The following CFAP90 variants were observed in gnomAD, a reference collection of about 807,000 sequenced individuals.
The protein encoded by CFAP90 is cilia- and flagella-associated protein 90.
chr5:7,837,931 C>G, the CFAP90 span, among the ~76,000 whole-genome samples: 9 of 152,204 alleles, frequency 5.9e-5, no homozygotes, highest in Non-Finnish European at 1.3e-4. Flanking sequence ...TGTGCCTCTG[C>G]TGGCCATTTT....
the CFAP90 span, among the ~76,000 whole-genome samples, chr5:7,841,201 C>T: frequency 1.2e-4 from 18 of 152,082 alleles, no homozygotes; most frequent in Non-Finnish European, 2.6e-4. Context: ...TCAATAGACA[C>T]ACATGTGGCC....
chr5:7,849,152 C>A, the CFAP90 span, among the ~76,000 whole-genome samples: 1 of 152,174 alleles, frequency 6.6e-6, no homozygotes, highest in Non-Finnish European at 1.5e-5. Context: ...GATTAAGACT[C>A]CAAAACATAA....
chr5:7,845,230 C>A, the CFAP90 span, among the ~76,000 whole-genome samples: 3 of 152,196 alleles, frequency 2.0e-5, no homozygotes, highest in African/African-American at 7.2e-5. Flanking sequence ...TCACCTCCCA[C>A]CAGGTCCCTG....
At chr5:7,845,990 G>A in the CFAP90 span, among the ~76,000 whole-genome samples, 1 of 151,230 alleles carries the variant, frequency 6.6e-6, no homozygotes, top group African/African-American at 2.4e-5. Context: ...AGGGATATGA[G>A]GTTTGCGACT....
the CFAP90 span, among the ~76,000 whole-genome samples, chr5:7,832,893 C>A: frequency 2.7e-4 from 41 of 152,306 alleles, no homozygotes; most frequent in Non-Finnish European, 4.4e-4. Context: ...AAGACAATAA[C>A]TTTGCATCAA....
At chr5:7,831,688 G>A in the CFAP90 span, 11 of 634,222 alleles carry the variant, frequency 1.7e-5, no homozygotes, top group Admixed American at 3.2e-4. Flanking sequence ...GAGGGGGGCT[G>A]CTAACGTGTT....
At chr5:7,850,603 GC>G in the CFAP90 span, among the ~76,000 whole-genome samples, 1 of 75,324 alleles carries the variant, frequency 1.3e-5, no homozygotes. Context: ...CCGCCCCCAG[GC>G]CCCCTCCCCT....
At chr5:7,837,413 G>A in the CFAP90 span, among the ~76,000 whole-genome samples, 1 of 152,138 alleles carries the variant, frequency 6.6e-6, no homozygotes, top group Non-Finnish European at 1.5e-5. Flanking sequence ...TCTAGCTTAT[G>A]CTTGGTTGGT....
At chr5:7,844,147 A>G in the CFAP90 span, among the ~76,000 whole-genome samples, 3 of 152,112 alleles carry the variant, frequency 2.0e-5, no homozygotes, top group Admixed American at 1.3e-4. Flanking sequence ...TTAAGGAGCT[A>G]CCTGCCCTGG....
At chr5:7,832,161 T>A in the CFAP90 span, 27 of 841,784 alleles carry the variant, frequency 3.2e-5, no homozygotes, top group South Asian at 4.5e-4. Flanking sequence ...AGAGGGAACC[T>A]CCACGCTGAA....
At chr5:7,844,234 GAGA>G in the CFAP90 span, among the ~76,000 whole-genome samples, 1 of 152,186 alleles carries the variant, frequency 6.6e-6, no homozygotes, top group African/African-American at 2.4e-5. Context: ...AATGCAACTA[GAGA>G]AGTAGAGAAG....
chr5:7,839,874 C>T, the CFAP90 span, among the ~76,000 whole-genome samples: 1 of 152,228 alleles, frequency 6.6e-6, no homozygotes, highest in Non-Finnish European at 1.5e-5. Flanking sequence ...AATTCATCAG[C>T]AGGCAGGCAG....
chr5:7,847,884 T>C, the CFAP90 span, among the ~76,000 whole-genome samples: 1 of 152,224 alleles, frequency 6.6e-6, no homozygotes, highest in African/African-American at 2.4e-5. Context: ...TTCTGCTCTT[T>C]TTCCTGGTGC....
the CFAP90 span, chr5:7,831,734 G>C: frequency 1.2e-5 from 12 of 1,022,338 alleles, no homozygotes; most frequent in South Asian, 3.1e-5. Context: ...CACAGGCATA[G>C]CCAAGCTCCT....
the CFAP90 span, chr5:7,832,166 G>A: frequency 3.0e-5 from 24 of 795,018 alleles, no homozygotes; most frequent in South Asian, 7.3e-5. Context: ...GAACCTCCAC[G>A]CTGAAGCCAG....
the CFAP90 span, among the ~76,000 whole-genome samples, chr5:7,847,638 G>A: frequency 1.5e-4 from 23 of 152,286 alleles, 1 homozygote; most frequent in East Asian, 4.2e-3. Context: ...AGGAGCCTTG[G>A]TTTACTGACC....
chr5:7,846,527 C>CCTTG, the CFAP90 span, among the ~76,000 whole-genome samples: 3 of 152,106 alleles, frequency 2.0e-5, no homozygotes, highest in Non-Finnish European at 2.9e-5. Context: ...TCTGGAGTCT[C>CCTTG]TTTAACAAGG....
the CFAP90 span, chr5:7,850,987 G>A: frequency 7.7e-7 from 1 of 1,292,350 alleles, no homozygotes; most frequent in South Asian, 2.8e-5. Flanking sequence ...GCCCCGCAGC[G>A]TGGACGCGGT....
At chr5:7,847,138 C>CAA in the CFAP90 span, among the ~76,000 whole-genome samples, 5 of 152,202 alleles carry the variant, frequency 3.3e-5, no homozygotes, top group Non-Finnish European at 5.9e-5. Flanking sequence ...TTTGGTCCTG[C>CAA]AGCTGATTAA....
Sources: gnomAD v4.1 joint callset for allele counts (sites outside exome capture counted in the v4.1 genomes callset) on GRCh38, gnomAD v4.1.1 for gene constraint, MANE v1.5 for transcripts, NCBI Gene and HGNC (gene_info 2026-07-23, HGNC 2026-07-21) for gene names.